Variants in LRRC7 observed in about 807,000 individuals in gnomAD.
LRRC7 encodes leucine rich repeat containing 7.
A neutral mutation model predicts 175.7 loss-of-function variants in LRRC7; 23 were observed. That is an observed-to-expected ratio of 0.13 (90% confidence interval 0.09 to 0.19). LRRC7 has a LOEUF of 0.19. LRRC7 is among the 10% of genes least tolerant of loss of function. LRRC7 has a pLI of 1.00. For synonymous variants in LRRC7, 685 were observed against 680.9 expected (o/e 1.01, Z -0.09); for missense variants, 1,354 against 1,904.7 (o/e 0.71, Z 5.38).
intron 3 of LRRC7, among the ~76,000 whole-genome samples, chr1:69,791,449 T>C (rs1395705794): frequency 1.3e-5 from 2 of 151,944 alleles, no homozygotes; most frequent in Non-Finnish European, 2.9e-5. Context: ...ACCTAATACT[T>C]TGGACTGATG....
chr1:69,997,938 C>T (rs1179930358), intron 11 of LRRC7, among the ~76,000 whole-genome samples: 5 of 152,088 alleles, frequency 3.3e-5, no homozygotes, highest in Non-Finnish European at 7.4e-5. Context: ...GGAGGATTCC[C>T]TCTTTTTCTA....
chr1:69,920,407 T>C (rs1646856174), intron 7 of LRRC7: 1 of 152,148 alleles, frequency 6.6e-6, no homozygotes, highest in Non-Finnish European at 1.5e-5. Context: ...TAAGTCTAAA[T>C]TGAATAATCA....
At chr1:69,821,185 C>T (rs894070733) in intron 4 of LRRC7, among the ~76,000 whole-genome samples, 2 of 152,084 alleles carry the variant, frequency 1.3e-5, no homozygotes, top group East Asian at 1.9e-4. Flanking sequence ...TATGTACTTT[C>T]TCTTCTTATT....
At chr1:69,574,227 A>G (rs990987430) in intron 1 of LRRC7, among the ~76,000 whole-genome samples, 1 of 152,166 alleles carries the variant, frequency 6.6e-6, no homozygotes, top group Admixed American at 6.6e-5. Context: ...AGCTGACCTT[A>G]AAACAAAACA....
At chr1:69,906,019 C>A (rs985610135) in intron 7 of LRRC7, among the ~76,000 whole-genome samples, 3 of 152,224 alleles carry the variant, frequency 2.0e-5, no homozygotes, top group Non-Finnish European at 2.9e-5. Flanking sequence ...TGATGGCGAG[C>A]ATTTGTTCAT....
chr1:69,823,621 A>C (rs1398478565), intron 4 of LRRC7, among the ~76,000 whole-genome samples: 2 of 152,208 alleles, frequency 1.3e-5, no homozygotes, highest in African/African-American at 4.8e-5. Flanking sequence ...ATATTCTTTC[A>C]GCACACTAAT....
At chr1:69,830,515 A>T (rs1254068954) in intron 5 of LRRC7, among the ~76,000 whole-genome samples, 1 of 151,866 alleles carries the variant, frequency 6.6e-6, no homozygotes, top group Non-Finnish European at 1.5e-5. Context: ...ACAATAATGG[A>T]CAGTTTAAGA....
At chr1:69,638,974 T>C (rs1653796626) in intron 1 of LRRC7, among the ~76,000 whole-genome samples, 3 of 151,764 alleles carry the variant, frequency 2.0e-5, no homozygotes, top group Admixed American at 1.3e-4. Flanking sequence ...CAAAGAGGCT[T>C]GGGCTGAAAA....
At chr1:70,091,298 A>C (rs1664013990) in intron 25 of LRRC7, among the ~76,000 whole-genome samples, 1 of 152,194 alleles carries the variant, frequency 6.6e-6, no homozygotes, top group African/African-American at 2.4e-5. Context: ...ATAAAGGTTC[A>C]AAATTATCAG....
intron 7 of LRRC7, among the ~76,000 whole-genome samples, chr1:69,929,526 T>C (rs1257015969): frequency 1.3e-5 from 2 of 152,198 alleles, no homozygotes; most frequent in Non-Finnish European, 2.9e-5. Context: ...CTTAACTATA[T>C]CCAGAACCCT....
chr1:69,832,480 G>A (rs1211154320), intron 5 of LRRC7, among the ~76,000 whole-genome samples: 2 of 152,064 alleles, frequency 1.3e-5, no homozygotes, highest in Non-Finnish European at 2.9e-5. Context: ...GGTAAAATAA[G>A]TAAACATGTA....
chr1:69,772,653 T>G (rs1246968788), intron 3 of LRRC7, among the ~76,000 whole-genome samples: 1 of 152,188 alleles, frequency 6.6e-6, no homozygotes, highest in African/African-American at 2.4e-5. Flanking sequence ...GAGAGGTTGG[T>G]GGCTTCAACT....
chr1:70,074,199 T>C (rs1256831935), intron 23 of LRRC7, among the ~76,000 whole-genome samples: 5 of 146,934 alleles, frequency 3.4e-5, no homozygotes, highest in Non-Finnish European at 6.0e-5. Context: ...AAAGACTCCA[T>C]TGCCAAAAAA....
chr1:70,025,700 T>G (rs188803562), intron 17 of LRRC7, among the ~76,000 whole-genome samples: 5 of 152,172 alleles, frequency 3.3e-5, no homozygotes, highest in Admixed American at 3.3e-4. Flanking sequence ...ATAAATCTAT[T>G]TCTTAAATTT....
chr1:69,689,364 C>G (rs1305050060), intron 2 of LRRC7, among the ~76,000 whole-genome samples: 6 of 152,110 alleles, frequency 3.9e-5, no homozygotes, highest in Admixed American at 2.6e-4. Context: ...CTATCTTAGT[C>G]CTACTGTTTT....
chr1:69,954,676 G>A lies in LRRC7; in HGVS notation c.711+23106G>A, dbSNP rs373992178. 2.6e-4 allele frequency among the ~76,000 whole-genome samples: 39 copies of A among 152,096 alleles called. No homozygotes were observed. In the South Asian group the frequency reaches 7.5e-3, roughly 29 times the overall value. ...CTGGGTAATGTGAATTCAAATATAA[G>A]ATAACCACAATAATTATAAAGAAAA... On this transcript the variant is annotated intron_variant, in intron 8 of 26. Coordinates refer to ENST00000651989, the MANE Select transcript of LRRC7 (RefSeq NM_001370785.2).
chr1:70,118,073 A>G (rs1405224261), intron 26 of LRRC7, among the ~76,000 whole-genome samples: 2 of 151,678 alleles, frequency 1.3e-5, no homozygotes, highest in Non-Finnish European at 2.9e-5. Context: ...GCACACACAC[A>G]CACACACACA....
rs1401053053 is a variant in LRRC7, at chr1:69,884,595, A to C, written c.647+46312A>C. On this transcript the variant is annotated intron_variant, in intron 7 of 26. Coordinates refer to ENST00000651989, the MANE Select transcript of LRRC7 (RefSeq NM_001370785.2). ...ATTTGACTTCCTCTTTTCCTAATTG[A>C]ATAGCCTTTATTTCCTTCTCCTGCC... is the stretch of plus-strand genomic sequence containing the variant. Among the ~76,000 whole-genome samples the C allele has an allele frequency of 8.7e-5, 12 of 138,164 alleles. 1 individual carries two copies. In the South Asian group the frequency reaches 2.8e-3, roughly 32 times the overall value. 90.6% of individuals were successfully genotyped at this position (138,164 alleles called of 152,430 possible).
intron 7 of LRRC7, among the ~76,000 whole-genome samples, chr1:69,912,135 C>A (rs1002642943): frequency 6.6e-6 from 1 of 152,016 alleles, no homozygotes. Flanking sequence ...GTCATGGAAC[C>A]AATTCCCCCA....
Sources: gnomAD v4.1 joint callset for allele counts (sites outside exome capture counted in the v4.1 genomes callset) on GRCh38, gnomAD v4.1.1 for gene constraint, MANE v1.5 for transcripts, NCBI Gene and HGNC (gene_info 2026-07-23, HGNC 2026-07-21) for gene names.